Variants in PLPPR1 observed in about 807,000 individuals in gnomAD.
The protein encoded by PLPPR1 is phospholipid phosphatase related 1, also known as phospholipid phosphatase-related protein type 1.
In PLPPR1, 10 loss-of-function variants were observed where a neutral mutation model predicts 33.1. The observed-to-expected ratio is 0.30, with a 90% CI of 0.19 to 0.51. The LOEUF is 0.51. PLPPR1 is among the 20% of genes least tolerant of loss of function. PLPPR1 has a pLI of 0.97. For missense variants in PLPPR1, 304 were observed against 408.1 expected (o/e 0.74, Z 2.20); for synonymous variants, 151 against 151.0 (o/e 1.00, Z 0.00).
intron 1 of PLPPR1, among the ~76,000 whole-genome samples, chr9:101,171,450 T>C (rs1825939806): frequency 6.6e-6 from 1 of 152,152 alleles, no homozygotes; most frequent in African/African-American, 2.4e-5. Context: ...CCATTCTTTG[T>C]ATCTCACTGC....
At chr9:101,309,093 G>T in intron 4 of PLPPR1, 118 bp from the exon 5 acceptor site, 1 of 992,588 alleles carries the variant, frequency 1.0e-6, no homozygotes, top group South Asian at 1.5e-5. Flanking sequence ...ATACTCCGGG[G>T]AGTACTTAGA....
chr9:101,309,207 A>G lies in PLPPR1; in HGVS notation c.386-4A>G, dbSNP rs200289913. 6.6e-4 allele frequency: 1,060 copies of G among 1,614,046 alleles called. 4 individuals are homozygous for G. The highest frequency in any genetic ancestry group is 8.6e-4 in the Non-Finnish European group (1,014 of 1,179,936). On this transcript the variant is annotated splice_region_variant and splice_polypyrimidine_tract_variant and intron_variant, in intron 4 of 7. Transcript: ENST00000374874. ...ATTCCTAATGATTTTAAATCTTCTT[A>G]TAGGGGTGTTTGCATTTGGACTTTT...
chr9:101,285,041 C>T (rs987307473), intron 3 of PLPPR1, among the ~76,000 whole-genome samples: 1 of 152,196 alleles, frequency 6.6e-6, no homozygotes, highest in African/African-American at 2.4e-5. Context: ...TAAACTGTCA[C>T]TCCTCAACAG....
At chr9:101,090,286 T>G (rs2118530054) in intron 1 of PLPPR1, among the ~76,000 whole-genome samples, 1 of 152,262 alleles carries the variant, frequency 6.6e-6, no homozygotes, top group Non-Finnish European at 1.5e-5. Flanking sequence ...CTTCAGTGTA[T>G]CTTTTTGGGG....
chr9:101,178,295 G>A (rs1361559711), intron 1 of PLPPR1, among the ~76,000 whole-genome samples: 2 of 152,328 alleles, frequency 1.3e-5, no homozygotes, highest in Admixed American at 1.3e-4. Flanking sequence ...TACTGCCACT[G>A]CTGAGTGCCC....
At chr9:101,075,749 G>A (rs1289516903) in intron 1 of PLPPR1, among the ~76,000 whole-genome samples, 1 of 152,164 alleles carries the variant, frequency 6.6e-6, no homozygotes, top group Non-Finnish European at 1.5e-5. Context: ...AAGCATATAA[G>A]CAATTAATGA....
At chr9:101,278,518 A>G (rs1305667214) in intron 3 of PLPPR1, among the ~76,000 whole-genome samples, 1 of 152,198 alleles carries the variant, frequency 6.6e-6, no homozygotes, top group Non-Finnish European at 1.5e-5. Flanking sequence ...AGAATTTTAC[A>G]TTACCTGCAC....
chr9:101,289,820 A>C (rs1162630494), intron 4 of PLPPR1, among the ~76,000 whole-genome samples: 1 of 152,190 alleles, frequency 6.6e-6, no homozygotes, highest in Non-Finnish European at 1.5e-5. Flanking sequence ...GTATGTCTTT[A>C]TTAGGGTGAA....
intron 2 of PLPPR1, among the ~76,000 whole-genome samples, chr9:101,197,540 G>C (rs1421232016): frequency 6.6e-6 from 1 of 152,148 alleles, no homozygotes; most frequent in Non-Finnish European, 1.5e-5. Context: ...AATAGATATT[G>C]CAGGCTCCAA....
chr9:101,084,578 A>C (rs929529703), intron 1 of PLPPR1, among the ~76,000 whole-genome samples: 2 of 152,186 alleles, frequency 1.3e-5, no homozygotes, highest in African/African-American at 4.8e-5. Context: ...AAAGCGGAAA[A>C]CCAGAGCTTC....
intron 1 of PLPPR1, among the ~76,000 whole-genome samples, chr9:101,183,346 A>G (rs751144961): frequency 1.9e-4 from 29 of 151,942 alleles, no homozygotes; most frequent in Middle Eastern, 3.4e-3. Context: ...AAAATTACTG[A>G]ATGTGCAACA....
At chr9:101,062,889 A>G (rs1287408643) in intron 1 of PLPPR1, among the ~76,000 whole-genome samples, 1 of 152,042 alleles carries the variant, frequency 6.6e-6, no homozygotes, top group African/African-American at 2.4e-5. Flanking sequence ...AGATTTGTGT[A>G]ATCCTCATGA....
intron 1 of PLPPR1, among the ~76,000 whole-genome samples, chr9:101,029,499 T>C (rs1421866801): frequency 1.3e-5 from 2 of 152,176 alleles, no homozygotes; most frequent in African/African-American, 4.8e-5. Context: ...AGGTAGCTGA[T>C]GCCAAGTCCT....
intron 1 of PLPPR1, among the ~76,000 whole-genome samples, chr9:101,052,865 T>C (rs1830239587): frequency 2.0e-5 from 3 of 152,178 alleles, no homozygotes; most frequent in Admixed American, 6.5e-5. Context: ...GAGGCTCTTT[T>C]TGCTAAACTG....
intron 2 of PLPPR1, among the ~76,000 whole-genome samples, chr9:101,248,823 GA>G (rs1402937883): frequency 7.9e-5 from 12 of 152,154 alleles, no homozygotes; most frequent in African/African-American, 2.6e-4. Context: ...TCCAAGCTCT[GA>G]GCTTAAGTGG....
At chr9:101,227,429 GGTT>G (rs1172462419) in intron 2 of PLPPR1, among the ~76,000 whole-genome samples, 1 of 152,022 alleles carries the variant, frequency 6.6e-6, no homozygotes, top group Non-Finnish European at 1.5e-5. Context: ...TTCATAGGTT[GGTT>G]GTTGGCTGCA....
At chr9:101,257,566 G>C (rs1334422753) in intron 2 of PLPPR1, among the ~76,000 whole-genome samples, 1 of 152,134 alleles carries the variant, frequency 6.6e-6, no homozygotes, top group East Asian at 1.9e-4. Context: ...ATCACATTAT[G>C]CTGTGAAGAC....
intron 4 of PLPPR1, among the ~76,000 whole-genome samples, chr9:101,294,487 C>G (rs1191217801): frequency 2.0e-4 from 30 of 151,776 alleles, no homozygotes; most frequent in African/African-American, 5.1e-4. Context: ...AAGCCTGGCA[C>G]AGACACAACA....
At chr9:101,161,954 A>G (rs1329080) in intron 1 of PLPPR1, among the ~76,000 whole-genome samples, 65,826 of 151,684 alleles carry the variant, frequency 0.43, 14,851 homozygotes, top group Non-Finnish European at 0.5. Flanking sequence ...TAAGCATTGT[A>G]TAGGATAAGG....
Sources: gnomAD v4.1 joint callset for allele counts (sites outside exome capture counted in the v4.1 genomes callset) on GRCh38, gnomAD v4.1.1 for gene constraint, MANE v1.5 for transcripts, NCBI Gene and HGNC (gene_info 2026-07-23, HGNC 2026-07-21) for gene names.